The following PALM2AKAP2 variants were observed in gnomAD, a reference collection of about 807,000 sequenced individuals.
PALM2AKAP2 encodes PALM2 and AKAP2 fusion.
PALM2AKAP2 carries 37 observed loss-of-function variants against 71.5 expected under a neutral mutation model. The observed-to-expected ratio is 0.52, with a 90% CI of 0.40 to 0.68. The LOEUF is 0.68. Among genes scored for constraint, PALM2AKAP2 ranks in the 30% least tolerant of loss-of-function variants. The pLI is 0.00. For synonymous variants in PALM2AKAP2, 468 were observed against 478.8 expected, an observed-to-expected ratio of 0.98 and a Z score of 0.29; for missense variants, 1,224 against 1,191.8, an observed-to-expected ratio of 1.03 and a Z score of -0.40.
chr9:109,838,074 A>T (rs1828532974), intron 1 of PALM2AKAP2, among the ~76,000 whole-genome samples: 1 of 6,182 alleles, frequency 1.6e-4, no homozygotes, highest in Admixed American at 1.7e-3. Flanking sequence ...ACAGAATATA[A>T]TTATTCTCAG....
chr9:109,830,065 T>C (rs143921368), intron 1 of PALM2AKAP2, among the ~76,000 whole-genome samples: 127 of 152,336 alleles, frequency 8.3e-4, no homozygotes, highest in African/African-American at 2.7e-3. Context: ...GATGCAGGTA[T>C]GTTTTTCAGG....
chr9:109,892,247 C>T (rs954331239), intron 3 of PALM2AKAP2, among the ~76,000 whole-genome samples: 39 of 152,140 alleles, frequency 2.6e-4, no homozygotes, highest in Non-Finnish European at 3.8e-4. Flanking sequence ...CATTCCTTGG[C>T]TTGTGGCTGT....
chr9:109,846,649 G>T (rs892881327), intron 1 of PALM2AKAP2, among the ~76,000 whole-genome samples: 9 of 152,152 alleles, frequency 5.9e-5, no homozygotes. Context: ...GCAAAGTAAG[G>T]ACCATGCAGT....
At chr9:110,066,827 CT>C (rs975066883) in intron 1 of PALM2AKAP2, among the ~76,000 whole-genome samples, 1 of 151,818 alleles carries the variant, frequency 6.6e-6, no homozygotes, top group Non-Finnish European at 1.5e-5. Context: ...TTGTTCTTGT[CT>C]TTTTAATGAC....
chr9:109,730,905 GAAA>G, intron 1 of PALM2AKAP2, among the ~76,000 whole-genome samples: 1 of 144,858 alleles, frequency 6.9e-6, no homozygotes, highest in African/African-American at 2.5e-5. Context: ...TTTGCCAGTG[GAAA>G]AAAAAAAAGG....
intron 1 of PALM2AKAP2, among the ~76,000 whole-genome samples, chr9:109,855,851 A>G (rs1265672820): frequency 6.6e-6 from 1 of 152,250 alleles, no homozygotes; most frequent in Non-Finnish European, 1.5e-5. Context: ...GACTGATGGA[A>G]TTATAATAGA....
chr9:109,685,321 A>T (rs1057211046), intron 1 of PALM2AKAP2, among the ~76,000 whole-genome samples: 1 of 152,190 alleles, frequency 6.6e-6, no homozygotes, highest in Non-Finnish European at 1.5e-5. Context: ...TTATACCTTG[A>T]AAAAGCCGAT....
In PALM2AKAP2 at chr9:109,678,133, G is replaced by T. The variant is rs140354340; in HGVS notation, c.5+37267G>T. 1.2e-3 allele frequency among the ~76,000 whole-genome samples: 179 copies of T among 152,242 alleles called. 1 individual carries two copies. Among genetic ancestry groups the T allele is most frequent in the African/African-American group, 4.0e-3 (168 of 41,534 alleles). ...CCACACAGCTTTTCTTAGTAGTGAG[G>T]CTTGAGAGAAGGGTTCTTTCATGGA... On this transcript the variant is annotated intron_variant, in intron 1 of 6. Coordinates refer to the PALM2AKAP2 transcript ENST00000374531.
intron 1 of PALM2AKAP2, among the ~76,000 whole-genome samples, chr9:109,678,127 A>T (rs1284937863): frequency 6.6e-6 from 1 of 152,186 alleles, no homozygotes; most frequent in Non-Finnish European, 1.5e-5. Context: ...TTTTCTTAGT[A>T]GTGAGGCTTG....
intron 1 of PALM2AKAP2, among the ~76,000 whole-genome samples, chr9:109,850,130 G>A (rs901537323): frequency 1.3e-5 from 2 of 152,138 alleles, no homozygotes; most frequent in African/African-American, 2.4e-5. Context: ...AAGGGATCTC[G>A]TGAGGCTTTG....
chr9:109,869,651 T>TTCCATCCATCCATCCATCCATCCA (rs59271161), intron 2 of PALM2AKAP2, among the ~76,000 whole-genome samples: 7,924 of 150,024 alleles, frequency 0.053, 236 homozygotes, highest in Middle Eastern at 0.095. Flanking sequence ...TCATCCATCT[T>TTCCATCCATCCATCCATCCATCCA]TCCATCCATC....
At chr9:110,034,796 G>A (rs1227027365) in intron 7 of PALM2AKAP2, among the ~76,000 whole-genome samples, 1 of 151,312 alleles carries the variant, frequency 6.6e-6, no homozygotes, top group Non-Finnish European at 1.5e-5. Flanking sequence ...GTAGAGACGG[G>A]GTTTCACCAT....
chr9:110,075,316 A>T (rs1409318172), intron 1 of PALM2AKAP2, among the ~76,000 whole-genome samples: 1 of 152,242 alleles, frequency 6.6e-6, no homozygotes, highest in Non-Finnish European at 1.5e-5. Flanking sequence ...TTATCTTCAA[A>T]TTCCACTATC....
intron 1 of PALM2AKAP2, among the ~76,000 whole-genome samples, chr9:109,753,088 T>G (rs10980028): frequency 1.3e-5 from 2 of 151,932 alleles, no homozygotes; most frequent in African/African-American, 4.8e-5. Context: ...AGATGCCACT[T>G]GGAGTTTCCA....
chr9:110,130,292 T>C (rs964198311), intron 1 of PALM2AKAP2, among the ~76,000 whole-genome samples: 3 of 152,204 alleles, frequency 2.0e-5, no homozygotes, highest in Non-Finnish European at 2.9e-5. Flanking sequence ...CTCAGCAGAA[T>C]TCCATAATTA....
chr9:110,140,875 A>T (rs1341842726), intron 2 of PALM2AKAP2, among the ~76,000 whole-genome samples: 1 of 152,144 alleles, frequency 6.6e-6, no homozygotes, highest in East Asian at 1.9e-4. Context: ...GTTGTTTGGG[A>T]AGGAAAGGAA....
chr9:110,129,691 G>A (rs1345634357), intron 1 of PALM2AKAP2, among the ~76,000 whole-genome samples: 2 of 152,240 alleles, frequency 1.3e-5, no homozygotes, highest in Non-Finnish European at 2.9e-5. Flanking sequence ...GGACAGGCTT[G>A]TCAGGGCTGT....
chr9:109,934,584 T>A (rs1831179792), intron 6 of PALM2AKAP2, among the ~76,000 whole-genome samples: 1 of 152,156 alleles, frequency 6.6e-6, no homozygotes, highest in Admixed American at 6.6e-5. Context: ...TCTTGATGTA[T>A]CATGCTCAGA....
intron 6 of PALM2AKAP2, among the ~76,000 whole-genome samples, chr9:109,960,012 C>T (rs1831823819): frequency 6.6e-6 from 1 of 152,216 alleles, no homozygotes; most frequent in Admixed American, 6.5e-5. Flanking sequence ...TGGAATTCAA[C>T]ATTTGCTAAA....
Sources: allele counts gnomAD v4.1 joint callset (sites outside exome capture counted in the v4.1 genomes callset), GRCh38; gene constraint gnomAD v4.1.1; transcripts MANE v1.5; gene names NCBI Gene and HGNC (gene_info 2026-07-23, HGNC 2026-07-21).